Variants in TENM2 observed in about 807,000 individuals in gnomAD.
TENM2 encodes teneurin-2.
Under a neutral mutation model 245.2 loss-of-function variants are expected in TENM2, and 52 were observed. The ratio of observed to expected loss-of-function variants is 0.21; its 90% CI spans 0.17 to 0.27. TENM2 has a LOEUF of 0.27. TENM2 is among the 10% of genes least tolerant of loss of function. TENM2 has a pLI of 1.00. For synonymous variants in TENM2, 1,363 were observed against 1,438.9 expected, an observed-to-expected ratio of 0.95 and a Z score of 1.19; for missense variants, 3,046 against 3,666.8, an observed-to-expected ratio of 0.83 and a Z score of 4.37.
chr5:168,202,731 G>T (rs1030041527), intron 17 of TENM2, among the ~76,000 whole-genome samples: 2 of 151,926 alleles, frequency 1.3e-5, no homozygotes, highest in Admixed American at 6.6e-5. Context: ...AGATAAAAAT[G>T]CATCCTCCAT....
intron 5 of TENM2, among the ~76,000 whole-genome samples, chr5:167,994,357 C>T (rs1361475552): frequency 2.0e-5 from 3 of 152,220 alleles, no homozygotes; most frequent in Non-Finnish European, 4.4e-5. Context: ...TAAACCCTCC[C>T]TTCTCGCTCA....
chr5:167,753,032 G>A (rs140974711), intron 2 of TENM2, among the ~76,000 whole-genome samples: 1 of 152,124 alleles, frequency 6.6e-6, no homozygotes, highest in Non-Finnish European at 1.5e-5. Context: ...ACTGTACCCC[G>A]TGGTTTCTAC....
rs368174120 is a variant in TENM2 at position 167,705,965 on chromosome 5, TTATA to T, written c.503-169997_503-169994del. Among the ~76,000 whole-genome samples, 619 of 119,892 alleles carry T rather than the reference TTATA, an allele frequency of 5.2e-3. 3 individuals are homozygous for T. Among genetic ancestry groups the T allele is most frequent in the Middle Eastern group, 0.032 (8 of 250 alleles). 78.7% of individuals were successfully genotyped at this position (119,892 alleles called of 152,430 possible). ...GAGTTCCTTCTTTTTCAAGGCTGGG[TTATA>T]TATATATATATATATATATATATTT... On this transcript the variant is annotated intron_variant, in intron 2 of 28. Transcript: ENST00000518659.
At chr5:167,841,405 A>G (rs1217764741) in intron 2 of TENM2, among the ~76,000 whole-genome samples, 1 of 152,228 alleles carries the variant, frequency 6.6e-6, no homozygotes, top group Non-Finnish European at 1.5e-5. Flanking sequence ...TTTCAAAATT[A>G]CATAAATGGT....
chr5:167,960,153 A>T (rs1266076946), intron 4 of TENM2, among the ~76,000 whole-genome samples: 1 of 152,218 alleles, frequency 6.6e-6, no homozygotes, highest in Non-Finnish European at 1.5e-5. Context: ...GGTGTCTCCC[A>T]GTCAGGAGGC....
intron 2 of TENM2, among the ~76,000 whole-genome samples, chr5:167,460,625 G>A (rs1056246175): frequency 1.0e-4 from 15 of 149,652 alleles, no homozygotes; most frequent in Non-Finnish European, 1.5e-5. Flanking sequence ...TCTCCCTTCT[G>A]CTGAATATAC....
chr5:167,079,655 A>G, the TENM2 span, among the ~76,000 whole-genome samples: 3 of 151,918 alleles, frequency 2.0e-5, no homozygotes, highest in South Asian at 6.2e-4. Flanking sequence ...ATACATAATA[A>G]TATTAAGACA....
chr5:167,973,471 G>T (rs1032082658), intron 4 of TENM2, among the ~76,000 whole-genome samples: 1 of 152,182 alleles, frequency 6.6e-6, no homozygotes, highest in African/African-American at 2.4e-5. Flanking sequence ...CATGGCCCCT[G>T]ACCTCTGGGA....
the TENM2 span, among the ~76,000 whole-genome samples, chr5:166,996,461 T>C: frequency 6.6e-6 from 1 of 152,238 alleles, no homozygotes; most frequent in African/African-American, 2.4e-5. Flanking sequence ...TACTGTTCAA[T>C]TGCGTGTTTT....
At chr5:167,166,919 G>C in the TENM2 span, among the ~76,000 whole-genome samples, 1 of 152,068 alleles carries the variant, frequency 6.6e-6, no homozygotes, top group African/African-American at 2.4e-5. Context: ...GATCAGTCTA[G>C]CCATGTACAC....
chr5:167,365,415 A>G (rs1460957976), intron 1 of TENM2, among the ~76,000 whole-genome samples: 30 of 151,870 alleles, frequency 2.0e-4, no homozygotes, highest in Non-Finnish European at 1.0e-4. Flanking sequence ...GTAGAAATAA[A>G]TAAGATAAGT....
At position 167,776,593 on chromosome 5, in the gene TENM2, G is replaced by GGAAAAA. The variant is rs1437587032; in HGVS notation, c.503-99393_503-99392insGAAAAA. The stretch of plus-strand genomic sequence containing the variant: ...TTGGGCAGCAGATGAGACCCTGTCT[G>GGAAAAA]AAAAAAAAAAAAAAAAAAAAAAAAA... On this transcript the variant is annotated intron_variant, in intron 2 of 28. Transcript: ENST00000518659. Among the ~76,000 whole-genome samples, 42 of 36,022 alleles carry GGAAAAA rather than the reference G, an allele frequency of 1.2e-3. 4 individuals carry two copies. Among genetic ancestry groups the GGAAAAA allele is most frequent in the African/African-American group, 3.6e-3 (41 of 11,438 alleles). The allele number at this position is 36,022 out of a possible 152,430, so 23.6% of individuals were successfully genotyped here. A position where few individuals can be genotyped will look rare whatever the true frequency, so the allele number is the denominator to read the frequency against.
At chr5:167,463,018 G>T (rs1024292798) in intron 2 of TENM2, among the ~76,000 whole-genome samples, 3 of 151,992 alleles carry the variant, frequency 2.0e-5, no homozygotes, top group African/African-American at 7.3e-5. Flanking sequence ...CATTCAAGAG[G>T]ATATTGGATG....
the TENM2 span, among the ~76,000 whole-genome samples, chr5:167,158,558 G>C: frequency 6.6e-6 from 1 of 152,144 alleles, no homozygotes; most frequent in African/African-American, 2.4e-5. Context: ...TGCTGAGAAG[G>C]CCACGGTGCC....
intron 2 of TENM2, among the ~76,000 whole-genome samples, chr5:167,466,329 C>T (rs147599414): frequency 1.3e-5 from 2 of 152,332 alleles, no homozygotes; most frequent in Non-Finnish European, 2.9e-5. Context: ...AGCCTCACTG[C>T]TTCAAGTTCA....
chr5:167,447,686 A>G (rs1239127478), intron 2 of TENM2, among the ~76,000 whole-genome samples: 2 of 152,224 alleles, frequency 1.3e-5, no homozygotes, highest in Non-Finnish European at 2.9e-5. Flanking sequence ...CTTTCTCCCA[A>G]ATGCTTCATT....
chr5:167,971,472 A>G (rs1161807625), intron 4 of TENM2, among the ~76,000 whole-genome samples: 1 of 152,132 alleles, frequency 6.6e-6, no homozygotes, highest in Non-Finnish European at 1.5e-5. Flanking sequence ...AGGCCGAGGC[A>G]GGTGGATCAC....
chr5:167,628,268 A>C (rs1367322757), intron 2 of TENM2, among the ~76,000 whole-genome samples: 1 of 152,052 alleles, frequency 6.6e-6, no homozygotes, highest in Non-Finnish European at 1.5e-5. Flanking sequence ...CGTTCCTGTT[A>C]TGTGGATCAT....
chr5:167,319,511 C>A (rs1365735142), intron 1 of TENM2, among the ~76,000 whole-genome samples: 2 of 152,090 alleles, frequency 1.3e-5, no homozygotes, highest in Non-Finnish European at 2.9e-5. Context: ...CAAAAGCCAA[C>A]AAATGATTTA....
Sources: allele counts gnomAD v4.1 joint callset (sites outside exome capture counted in the v4.1 genomes callset), GRCh38; gene constraint gnomAD v4.1.1; transcripts MANE v1.5; gene names NCBI Gene and HGNC (gene_info 2026-07-23, HGNC 2026-07-21).